GHR: variants seen among roughly 807,000 people sequenced by gnomAD.
GHR encodes GH receptor.
In GHR, 35 loss-of-function variants were observed where a neutral mutation model predicts 67.1. The observed-to-expected ratio is 0.52, with a 90% confidence interval of 0.40 to 0.69. GHR has a LOEUF of 0.69. GHR is among the 30% of genes least tolerant of loss of function. The pLI, the probability that GHR is intolerant of heterozygous loss-of-function variation, is 0.00. For synonymous variants in GHR, 272 were observed against 269.1 expected, an observed-to-expected ratio of 1.01 and a Z score of -0.10; for missense variants, 792 against 764.6, an observed-to-expected ratio of 1.04 and a Z score of -0.42.
At chr5:42,521,440 C>T (rs530030550) in intron 1 of GHR, among the ~76,000 whole-genome samples, 1 of 152,174 alleles carries the variant, frequency 6.6e-6, no homozygotes, top group Non-Finnish European at 1.5e-5. Flanking sequence ...GGATTTACTC[C>T]ATATTTCTTA....
intron 1 of GHR, among the ~76,000 whole-genome samples, chr5:42,479,065 AC>A (rs1745483712): frequency 6.6e-6 from 1 of 152,196 alleles, no homozygotes. Context: ...TCCCATCATT[AC>A]CTAATTTACT....
chr5:42,576,080 A>AAAAT (rs1561135522), intron 2 of GHR, among the ~76,000 whole-genome samples: 318 of 96,430 alleles, frequency 3.3e-3, no homozygotes, highest in African/African-American at 0.017. Flanking sequence ...AAAATAAAAT[A>AAAAT]AAATAAAATA....
At chr5:42,710,073 T>G (rs1579657116) in intron 6 of GHR, among the ~76,000 whole-genome samples, 1 of 151,830 alleles carries the variant, frequency 6.6e-6, no homozygotes, top group Middle Eastern at 3.4e-3. Flanking sequence ...AAAAAAATAA[T>G]AAAGTAAGTT....
At chr5:42,438,644 A>G (rs532468285) in intron 1 of GHR, among the ~76,000 whole-genome samples, 2 of 152,304 alleles carry the variant, frequency 1.3e-5, no homozygotes, top group African/African-American at 4.8e-5. Flanking sequence ...GACAGCTTCA[A>G]ATGAGGACCT....
intron 1 of GHR, chr5:42,468,940 C>A (rs1179496631): frequency 2.1e-6 from 1 of 472,476 alleles, no homozygotes; most frequent in African/African-American, 2.0e-5. Flanking sequence ...TGCTTCAGCT[C>A]TTCCCAGAAG....
intron 1 of GHR, among the ~76,000 whole-genome samples, chr5:42,462,712 G>T (rs887124623): frequency 2.6e-5 from 4 of 152,010 alleles, no homozygotes; most frequent in Non-Finnish European, 5.9e-5. Context: ...GCTTTTGTGT[G>T]TGTGTGTGGA....
At chr5:42,458,673 C>T (rs887960439) in intron 1 of GHR, among the ~76,000 whole-genome samples, 9 of 152,122 alleles carry the variant, frequency 5.9e-5, no homozygotes, top group Non-Finnish European at 1.0e-4. Context: ...AGCTTCTGCA[C>T]AGCAAAAGAA....
At chr5:42,671,390 C>T (rs1486417769) in intron 3 of GHR, among the ~76,000 whole-genome samples, 1 of 151,870 alleles carries the variant, frequency 6.6e-6, no homozygotes, top group African/African-American at 2.4e-5. Context: ...CATAAGGGCC[C>T]ACCCCCATGA....
intron 3 of GHR, among the ~76,000 whole-genome samples, chr5:42,631,414 T>C (rs944340408): frequency 2.6e-5 from 4 of 152,196 alleles, no homozygotes; most frequent in African/African-American, 9.7e-5. Context: ...TGGGCACCTA[T>C]CATAGTGCAC....
intron 1 of GHR, among the ~76,000 whole-genome samples, chr5:42,503,026 A>G (rs1190994795): frequency 3.9e-5 from 6 of 152,130 alleles, no homozygotes; most frequent in Admixed American, 2.6e-4. Flanking sequence ...AGTTTTGATT[A>G]CAAGGTGTAC....
intron 1 of GHR, among the ~76,000 whole-genome samples, chr5:42,501,876 C>T (rs937726045): frequency 6.6e-6 from 1 of 152,188 alleles, no homozygotes; most frequent in Non-Finnish European, 1.5e-5. Context: ...GAGAAAGATC[C>T]TATAATCACC....
At chr5:42,572,199 C>A (rs966158591) in intron 2 of GHR, among the ~76,000 whole-genome samples, 2 of 152,120 alleles carry the variant, frequency 1.3e-5, no homozygotes. Flanking sequence ...TGTAGGCAGG[C>A]CAGGGTCATC....
intron 1 of GHR, among the ~76,000 whole-genome samples, chr5:42,553,594 C>T (rs1749153690): frequency 6.6e-6 from 1 of 152,206 alleles, no homozygotes; most frequent in African/African-American, 2.4e-5. Context: ...TCGGTTTGTG[C>T]AGATAATCCA....
chr5:42,617,491 C>CT (rs1753221577), intron 2 of GHR, among the ~76,000 whole-genome samples: 1 of 151,936 alleles, frequency 6.6e-6, no homozygotes, highest in Non-Finnish European at 1.5e-5. Flanking sequence ...CCAGAAGTAT[C>CT]TTTGTCAACC....
At chr5:42,544,203 A>G (rs986241216) in intron 1 of GHR, among the ~76,000 whole-genome samples, 1 of 152,184 alleles carries the variant, frequency 6.6e-6, no homozygotes, top group African/African-American at 2.4e-5. Context: ...AAAGATATGT[A>G]TAAAATAGCA....
At chr5:42,618,865 C>A (rs1400899666) in intron 2 of GHR, among the ~76,000 whole-genome samples, 1 of 152,050 alleles carries the variant, frequency 6.6e-6, no homozygotes, top group Admixed American at 6.6e-5. Flanking sequence ...GGCAAAGGTC[C>A]ATTTAAGGGA....
chr5:42,494,157 G>A (rs1420827234), intron 1 of GHR, among the ~76,000 whole-genome samples: 2 of 152,092 alleles, frequency 1.3e-5, no homozygotes, highest in Admixed American at 6.6e-5. Context: ...GAGCTCAAAA[G>A]GAGTAACAGA....
chr5:42,424,673 A>C lies in GHR; in HGVS notation c.-12+718A>C. ...GTGGTTGTAAAATCAACCAGGCTTA[A>C]AGTTTTGACAGAACTGCCAGAGGCT... On this transcript the variant is annotated intron_variant, in intron 1 of 9. Transcript: ENST00000230882. This position sits in a 1 kb window ranked among gnomAD's most constrained non-coding sequence, Gnocchi z 4.1. The C allele has an allele frequency of 7.4e-7, 1 of 1,344,588 alleles. No homozygotes were observed. The allele number at this position is 1,344,588 out of a possible 1,614,324, so 83.3% of individuals were successfully genotyped here. A position where few individuals can be genotyped will look rare whatever the true frequency, so the allele number is the denominator to read the frequency against.
intron 1 of GHR, among the ~76,000 whole-genome samples, chr5:42,443,399 G>T (rs1254331991): frequency 6.6e-6 from 1 of 152,150 alleles, no homozygotes; most frequent in Non-Finnish European, 1.5e-5. Flanking sequence ...TATGAAATGT[G>T]TAGGGCTTAT....
Sources: gnomAD v4.1 joint callset for allele counts (sites outside exome capture counted in the v4.1 genomes callset) on GRCh38, gnomAD v4.1.1 for gene constraint, Gnocchi (gnomAD v3.1) non-coding constraint, MANE v1.5 for transcripts, NCBI Gene and HGNC (gene_info 2026-07-23, HGNC 2026-07-21) for gene names.